Variants in APLF observed in about 807,000 individuals in gnomAD.
The protein encoded by APLF is aprataxin and PNK-like factor.
A neutral mutation model predicts 55.6 loss-of-function variants in APLF; 61 were observed. The ratio of observed to expected loss-of-function variants is 1.10; its 90% CI spans 0.89 to 1.36. The LOEUF (loss-of-function observed/expected upper bound fraction) is 1.36, where lower values mean the gene tolerates loss of function less well. Among genes scored for constraint, APLF ranks in the 40% most tolerant of loss-of-function variants. APLF has a pLI of 0.00. For missense variants in APLF, 611 were observed against 602.5 expected, an observed-to-expected ratio of 1.01 and a Z score of -0.15; for synonymous variants, 207 against 214.8, an observed-to-expected ratio of 0.96 and a Z score of 0.32.
chr2:68,518,479 C>T (rs187123436), intron 5 of APLF, among the ~76,000 whole-genome samples: 10,440 of 109,930 alleles, frequency 0.095, 572 homozygotes, highest in Middle Eastern at 0.21. Flanking sequence ...ATTAATAATA[C>T]ATAATAACAT....
rs527824657 is a variant in APLF, at chr2:68,552,434, G to C, written c.1286+7122G>C. The stretch of plus-strand genomic sequence containing the variant: ...TACCAAGAATTGACAAATATCTTCA[G>C]GGAAGAAAGCAGCCTGTGATTGTCA... On this transcript the variant is annotated intron_variant, in intron 8 of 9. Transcript: ENST00000303795. Among the ~76,000 whole-genome samples the C allele has an allele frequency of 5.3e-5, 8 of 152,144 alleles. No individual in the cohort carries two copies. In the South Asian group the frequency reaches 1.7e-3, roughly 32 times the overall value.
At chr2:68,501,540 A>G (rs2103931093) in intron 2 of APLF, among the ~76,000 whole-genome samples, 1 of 152,298 alleles carries the variant, frequency 6.6e-6, no homozygotes, top group East Asian at 1.9e-4. Flanking sequence ...TGACTTATGG[A>G]AAGAGCCAAT....
intron 8 of APLF, among the ~76,000 whole-genome samples, chr2:68,564,281 C>T (rs1296964160): frequency 6.6e-6 from 1 of 152,058 alleles, no homozygotes; most frequent in African/African-American, 2.4e-5. Context: ...GTTTAAATTT[C>T]TTTTTCATCA....
chr2:68,520,694 G>C (rs1669871863), intron 5 of APLF, among the ~76,000 whole-genome samples: 1 of 151,984 alleles, frequency 6.6e-6, no homozygotes, highest in African/African-American at 2.4e-5. Flanking sequence ...CCAGTACCAT[G>C]CTATTTTGCT....
Position 68,578,023 on chromosome 2 carries a change from T to TA in APLF, c.*3dup. On this transcript the variant is annotated 3_prime_UTR_variant, in exon 10 of 10. Coordinates refer to ENST00000303795, the MANE Select transcript of APLF (RefSeq NM_173545.3). ...AAAAAGGTTTATGAAAAGAAAATAG[T>TA]AACTAACTTCTGTAGTCATATCTGC... 6.2e-7 allele frequency: 1 copy of TA among 1,611,094 alleles called. No individual in the cohort carries two copies. The highest frequency in any genetic ancestry group is 8.5e-7 in the Non-Finnish European group (1 of 1,178,728).
intron 3 of APLF, among the ~76,000 whole-genome samples, chr2:68,503,949 C>T (rs1257113476): frequency 1.3e-5 from 2 of 151,798 alleles, no homozygotes; most frequent in East Asian, 3.9e-4. Flanking sequence ...TGTAGTAAGG[C>T]TTACTGAGAA....
At chr2:68,473,017 A>C (rs781049902) in intron 1 of APLF, among the ~76,000 whole-genome samples, 4 of 152,168 alleles carry the variant, frequency 2.6e-5, no homozygotes, top group Non-Finnish European at 5.9e-5. Context: ...CCACATTGAC[A>C]TGTCATTATC....
chr2:68,522,605 C>A (rs932464779), intron 5 of APLF, among the ~76,000 whole-genome samples: 1 of 151,826 alleles, frequency 6.6e-6, no homozygotes, highest in Non-Finnish European at 1.5e-5. Context: ...CTCTCCTGAT[C>A]TGGGCCTGAT....
At chr2:68,506,842 G>T (rs1676885645) in intron 3 of APLF, among the ~76,000 whole-genome samples, 1 of 151,856 alleles carries the variant, frequency 6.6e-6, no homozygotes, top group Non-Finnish European at 1.5e-5. Flanking sequence ...GAGAGCTCAG[G>T]TTAAAACATG....
intron 8 of APLF, among the ~76,000 whole-genome samples, chr2:68,555,655 C>T (rs1055782602): frequency 4.6e-5 from 7 of 152,016 alleles, no homozygotes; most frequent in African/African-American, 1.4e-4. Flanking sequence ...CAATGCAGTA[C>T]CACCCTGCGC....
chr2:68,491,081 T>TA (rs1676343876), intron 2 of APLF, among the ~76,000 whole-genome samples: 1 of 152,212 alleles, frequency 6.6e-6, no homozygotes, highest in African/African-American at 2.4e-5. Context: ...AGCATCTTTT[T>TA]AATTTTAGTA....
At chr2:68,504,278 A>G (rs1558534408) in intron 3 of APLF, among the ~76,000 whole-genome samples, 1 of 151,984 alleles carries the variant, frequency 6.6e-6, no homozygotes, top group African/African-American at 2.4e-5. Flanking sequence ...AAAAAATAAA[A>G]GAAGATATAC....
chr2:68,498,323 A>T (rs1355265019), intron 2 of APLF, among the ~76,000 whole-genome samples: 1 of 152,244 alleles, frequency 6.6e-6, no homozygotes, highest in African/African-American at 2.4e-5. Flanking sequence ...ATGTTTTGTT[A>T]TGATGATCCC....
At chr2:68,512,132 A>C (rs1416099120) in intron 3 of APLF, among the ~76,000 whole-genome samples, 1 of 151,708 alleles carries the variant, frequency 6.6e-6, no homozygotes, top group Non-Finnish European at 1.5e-5. Flanking sequence ...ATAGTCATTT[A>C]AAATACTACT....
At chr2:68,497,871 A>C (rs191991939) in intron 2 of APLF, among the ~76,000 whole-genome samples, 14 of 152,362 alleles carry the variant, frequency 9.2e-5, no homozygotes, top group African/African-American at 2.9e-4. Flanking sequence ...ATCAATGAGA[A>C]AAAAATAAAA....
At chr2:68,527,855 C>T (rs1335189478) in intron 6 of APLF, among the ~76,000 whole-genome samples, 7 of 147,518 alleles carry the variant, frequency 4.7e-5, no homozygotes, top group Admixed American at 2.7e-4. Context: ...ACTTCCCAGA[C>T]GGTGGAGTAG....
intron 1 of APLF, among the ~76,000 whole-genome samples, chr2:68,476,550 G>A (rs1242500161): frequency 6.6e-6 from 1 of 151,068 alleles, no homozygotes. Context: ...GCACTTCGAA[G>A]TCAATTACCA....
In APLF at chr2:68,536,998, C is replaced by G. The variant is rs1007709246; in HGVS notation, c.805-874C>G. ...CTTGGCCAACAGTGAAACCCCGTCT[C>G]TACTAAAAATACAAAAATTAGCTGG... On this transcript the variant is annotated intron_variant, in intron 6 of 9. Transcript: ENST00000303795. Among the ~76,000 whole-genome samples, 3 of 152,090 alleles carry G rather than the reference C, an allele frequency of 2.0e-5. No individual in the cohort carries two copies. In the South Asian group the frequency reaches 6.2e-4, roughly 32 times the overall value.
chr2:68,502,100 C>G (rs943144749), intron 2 of APLF, among the ~76,000 whole-genome samples: 1 of 152,038 alleles, frequency 6.6e-6, no homozygotes, highest in Admixed American at 6.6e-5. Context: ...AAGTTGCTCC[C>G]GAGATAATGA....
Sources: allele counts gnomAD v4.1 joint callset (sites outside exome capture counted in the v4.1 genomes callset), GRCh38; gene constraint gnomAD v4.1.1; transcripts MANE v1.5; gene names NCBI Gene and HGNC (gene_info 2026-07-23, HGNC 2026-07-21).